SETX: variants seen among roughly 807,000 people sequenced by gnomAD.
SETX encodes the protein helicase senataxin.
A neutral mutation model predicts 227.2 loss-of-function variants in SETX; 90 were observed. The observed-to-expected ratio is 0.40, with a 90% confidence interval of 0.33 to 0.47. The LOEUF (loss-of-function observed/expected upper bound fraction) is 0.47, where lower values mean the gene tolerates loss of function less well. SETX is among the 20% of genes least tolerant of loss of function. The pLI is 0.91. For synonymous variants in SETX, 1,210 were observed against 1,113.2 expected, an observed-to-expected ratio of 1.09 and a Z score of -1.73; for missense variants, 3,052 against 3,181.5, an observed-to-expected ratio of 0.96 and a Z score of 0.98.
intron 11 of SETX, among the ~76,000 whole-genome samples, chr9:132,303,339 C>CAAAA (rs76538209): frequency 2.4e-4 from 15 of 61,630 alleles, no homozygotes; most frequent in African/African-American, 6.2e-4. Flanking sequence ...TTTAAAAAAG[C>CAAAA]AAAAAAAAAA....
chr9:132,283,510 T>TA (rs1280277259), intron 18 of SETX, 97 bp from the exon 19 acceptor site: 2 of 1,434,618 alleles, frequency 1.4e-6, no homozygotes, highest in Non-Finnish European at 2.0e-6. Context: ...TTTATTAAAA[T>TA]AGATTTATGA....
In SETX at chr9:132,326,423, A is replaced by G. The variant is rs978678875; in HGVS notation, c.5175T>C (p.Leu1725=). The G allele has an allele frequency of 6.2e-7, 1 of 1,614,140 alleles. No individual in the cohort carries two copies. The highest frequency in any genetic ancestry group is 8.5e-7 in the Non-Finnish European group (1 of 1,179,970). The change falls in exon 10 of 26, where the codon CTT becomes CTC. Residue 1725 remains leucine (L), a synonymous_variant. Transcript: ENST00000224140. ...NFGQCGPPAS[L]CQSISRPVPV... is the part of the protein sequence containing the mutation. ...GCACAGGTCTTGAGATGGACTGACA[A>G]AGACTTGCAGGGGGCCCACACTGAC...
At chr9:132,313,930 GTTT>G (rs11313530) in intron 10 of SETX, among the ~76,000 whole-genome samples, 82 of 148,890 alleles carry the variant, frequency 5.5e-4, no homozygotes, top group African/African-American at 1.6e-3. Context: ...AAGTTTTTTG[GTTT>G]TTTTTTTTGT....
chr9:132,338,250 C>G (rs1018736704), intron 5 of SETX, among the ~76,000 whole-genome samples: 4 of 152,044 alleles, frequency 2.6e-5, no homozygotes, highest in African/African-American at 9.7e-5. Flanking sequence ...CACCACCACG[C>G]CCGGCTAACT....
At chr9:132,278,401 G>A in intron 20 of SETX, 144 bp from the exon 21 acceptor site, 1 of 487,736 alleles carries the variant, frequency 2.1e-6, no homozygotes, top group Non-Finnish European at 3.8e-6. Flanking sequence ...AGAGAAAAAA[G>A]GTGTTTCTGA....
chr9:132,297,121 T>G, intron 13 of SETX, 67 bp from the exon 14 acceptor site: 2 of 1,383,126 alleles, frequency 1.4e-6, no homozygotes, highest in Non-Finnish European at 2.0e-6. Context: ...AGGAAGAACA[T>G]GAAAAAGACC....
chr9:132,342,166 A>C (rs912479980), intron 5 of SETX, among the ~76,000 whole-genome samples: 1 of 152,132 alleles, frequency 6.6e-6, no homozygotes, highest in African/African-American at 2.4e-5. Flanking sequence ...CTGTCTTACC[A>C]CAAAAGGTGA....
intron 11 of SETX, among the ~76,000 whole-genome samples, chr9:132,310,596 A>C (rs1210454098): frequency 1.3e-5 from 2 of 152,244 alleles, no homozygotes; most frequent in Non-Finnish European, 2.9e-5. Context: ...TTCCCTAATA[A>C]AAATGGCTCA....
intron 20 of SETX, among the ~76,000 whole-genome samples, chr9:132,278,617 G>C (rs1293771592): frequency 6.6e-6 from 1 of 151,574 alleles, no homozygotes; most frequent in East Asian, 1.9e-4. Context: ...CACCACACCT[G>C]GCCAAAATGC....
rs1842472501 is a variant in SETX, at chr9:132,263,060, T to C, written c.*1179A>G. 6.6e-6 allele frequency: 1 copy of C among 152,210 alleles called. No homozygotes were observed. Among genetic ancestry groups the C allele is most frequent in the Non-Finnish European group, 1.5e-5 (1 of 68,042 alleles). 9.4% of individuals were successfully genotyped at this position (152,210 alleles called of 1,614,324 possible). ...ACAAAAGCACTATCACCTCTAATAG[T>C]AGCTGGAAACACCTATCAGATATTC... On this transcript the variant is annotated 3_prime_UTR_variant, in exon 26 of 26. Transcript: ENST00000224140.
intron 15 of SETX, among the ~76,000 whole-genome samples, chr9:132,291,402 G>A (rs765819298): frequency 2.0e-5 from 3 of 151,290 alleles, no homozygotes; most frequent in Non-Finnish European, 4.4e-5. Flanking sequence ...TCCTGACCTC[G>A]TGATCCACCT....
At chr9:132,282,300 T>TTA (rs1843584404) in intron 19 of SETX, among the ~76,000 whole-genome samples, 1 of 109,244 alleles carries the variant, frequency 9.2e-6, no homozygotes, top group Non-Finnish European at 1.6e-5. Context: ...TTTTAACTTA[T>TTA]TTTTTTTTTT....
chr9:132,287,781 CAGAA>C (rs1408104629), intron 17 of SETX, among the ~76,000 whole-genome samples: 5 of 116,726 alleles, frequency 4.3e-5, no homozygotes, highest in African/African-American at 1.8e-4. Context: ...AAAAAAAAAG[CAGAA>C]AGAAATGTGT....
At chr9:132,283,472 G>T in intron 18 of SETX, 59 bp from the exon 19 acceptor site, 1 of 1,586,888 alleles carries the variant, frequency 6.3e-7, no homozygotes, top group Non-Finnish European at 8.7e-7. Flanking sequence ...ACTATGACAG[G>T]CCTATGTTTA....
intron 3 of SETX, among the ~76,000 whole-genome samples, chr9:132,346,982 C>T (rs956354182): frequency 6.6e-6 from 1 of 152,012 alleles, no homozygotes; most frequent in Non-Finnish European, 1.5e-5. Context: ...AGGCCAGGCA[C>T]ACTGGCTCCT....
At chr9:132,314,632 G>A (rs79270515) in intron 10 of SETX, among the ~76,000 whole-genome samples, 1,876 of 152,204 alleles carry the variant, frequency 0.012, 17 homozygotes, top group Middle Eastern at 0.024. Context: ...AGACATGAAC[G>A]ACAGATATCC....
intron 7 of SETX, among the ~76,000 whole-genome samples, chr9:132,333,412 TATATACAC>T (rs1236894538): frequency 6.7e-5 from 7 of 104,050 alleles, no homozygotes; most frequent in African/African-American, 3.1e-4. Context: ...AAAAAAAATA[TATATACAC>T]ACACACACAC....
In SETX at chr9:132,336,428, G is replaced by A; in HGVS notation, c.586C>T (p.Leu196Phe). The A allele has an allele frequency of 6.2e-7, 1 of 1,613,988 alleles. No homozygotes were observed. The highest frequency in any genetic ancestry group is 8.5e-7 in the Non-Finnish European group (1 of 1,179,928). ...AGCCCCAACTCAATGACTTTAAAAA[G>A]GCAAAGTAAAACTTCTTGTAAGTCA... ...YYDLQEVLLC[L>F]FKVIELGLLE... is the part of the protein sequence containing the mutation. The change falls in exon 6 of 26, where the codon CTT (leucine) becomes TTT (phenylalanine). Residue 196 changes from leucine to phenylalanine, a missense_variant. This residue lies in a region of SETX where 239 missense variants were observed against 240.8 expected (regional missense o/e 0.99). Transcript: ENST00000224140.
chr9:132,305,883 T>C (rs189837673), intron 11 of SETX, among the ~76,000 whole-genome samples: 77 of 152,206 alleles, frequency 5.1e-4, no homozygotes, highest in African/African-American at 1.8e-3. Context: ...AATTAGCTCT[T>C]AGTCTACACC....
Sources: allele counts gnomAD v4.1 joint callset (sites outside exome capture counted in the v4.1 genomes callset), GRCh38; gene constraint gnomAD v4.1.1; regional missense constraint gnomAD v4.1.1; transcripts MANE v1.5; gene names NCBI Gene and HGNC (gene_info 2026-07-23, HGNC 2026-07-21).